SORBS2: variants seen among roughly 807,000 people sequenced by gnomAD.
SORBS2 encodes the protein sorbin and SH3 domain-containing protein 2.
SORBS2 carries 46 observed loss-of-function variants against 97.7 expected under a neutral mutation model. The observed-to-expected ratio is 0.47, with a 90% CI of 0.37 to 0.60. The LOEUF (loss-of-function observed/expected upper bound fraction) is 0.60. SORBS2 is among the 20% of genes least tolerant of loss of function. SORBS2 has a pLI of 0.00. For synonymous variants in SORBS2, 476 were observed against 473.4 expected (o/e 1.01, Z -0.07); for missense variants, 1,316 against 1,282.3 (o/e 1.03, Z -0.40).
chr4:185,932,708 G>C (rs2099267060), intron 1 of SORBS2, among the ~76,000 whole-genome samples: 1 of 149,116 alleles, frequency 6.7e-6, no homozygotes, highest in African/African-American at 2.4e-5. Context: ...CTGTAGGCAG[G>C]GCCTGGCCTA....
At chr4:185,861,986 T>C (rs2099224066) in intron 1 of SORBS2, among the ~76,000 whole-genome samples, 1 of 152,114 alleles carries the variant, frequency 6.6e-6, no homozygotes, top group African/African-American at 2.4e-5. Context: ...CTGGCAATAG[T>C]CCGGATGAGA....
chr4:185,890,796 G>A (rs952529573), intron 1 of SORBS2, among the ~76,000 whole-genome samples: 20 of 152,270 alleles, frequency 1.3e-4, no homozygotes, highest in East Asian at 3.9e-4. Flanking sequence ...GGGCCTGAAC[G>A]TAGGAGTGGC....
intron 2 of SORBS2, among the ~76,000 whole-genome samples, chr4:185,731,586 C>G (rs2098630279): frequency 8.2e-6 from 1 of 122,652 alleles, no homozygotes; most frequent in Non-Finnish European, 1.7e-5. Flanking sequence ...TTCCCTCTCT[C>G]CCTCCCTCCC....
chr4:185,863,265 T>C (rs2099224920), intron 1 of SORBS2, among the ~76,000 whole-genome samples: 4 of 151,610 alleles, frequency 2.6e-5, no homozygotes. Flanking sequence ...ATTGAGTGCC[T>C]GTGTGTGCCA....
In SORBS2 at chr4:185,733,703, A is replaced by G. The variant is rs139103918; in HGVS notation, c.-198+41524T>C. ...GGGGATCAGTTACAGTTTCTTCGCCATGTGCCTTAGACCTACAGCTTGCTA... is the reference window on the plus strand; with the variant it reads ...GGGGATCAGTTACAGTTTCTTCGCCGTGTGCCTTAGACCTACAGCTTGCTA... On this transcript the variant is annotated intron_variant, in intron 2 of 20. Transcript: ENST00000284776. 1.9e-3 allele frequency among the ~76,000 whole-genome samples: 286 copies of G among 152,308 alleles called. 2 individuals are homozygous for G. Among genetic ancestry groups the G allele is most frequent in the Non-Finnish European group, 1.5e-3 (103 of 68,016 alleles).
intron 1 of SORBS2, among the ~76,000 whole-genome samples, chr4:185,827,231 TCATCACCATCACCACCATCATCATCAC>T (rs2099200976): frequency 1.5e-5 from 1 of 67,424 alleles, no homozygotes. Flanking sequence ...ACCATCATCA[TCATCACCATCACCACCATCATCATCAC>T]CATCATCACC....
intron 1 of SORBS2, among the ~76,000 whole-genome samples, chr4:185,788,078 C>T (rs986939952): frequency 6.6e-6 from 1 of 152,232 alleles, no homozygotes; most frequent in Non-Finnish European, 1.5e-5. Context: ...GCCTGCCGGG[C>T]TGTTCCGTGA....
At chr4:185,935,620 A>G (rs1467082693) in intron 1 of SORBS2, among the ~76,000 whole-genome samples, 1 of 152,192 alleles carries the variant, frequency 6.6e-6, no homozygotes, top group Non-Finnish European at 1.5e-5. Flanking sequence ...AGACATACCA[A>G]CTTTAACTAG....
chr4:185,600,468 A>C (rs1310048098), intron 12 of SORBS2, among the ~76,000 whole-genome samples: 1 of 152,144 alleles, frequency 6.6e-6, no homozygotes, highest in Non-Finnish European at 1.5e-5. Context: ...CCTCCCGAGT[A>C]GCTGGGATCA....
At chr4:185,797,224 C>A (rs997548452) in intron 1 of SORBS2, among the ~76,000 whole-genome samples, 1 of 152,184 alleles carries the variant, frequency 6.6e-6, no homozygotes, top group Non-Finnish European at 1.5e-5. Flanking sequence ...CTTAGGAGAG[C>A]GACTGACACA....
At chr4:185,899,205 A>G (rs1466031857) in intron 1 of SORBS2, among the ~76,000 whole-genome samples, 2 of 152,140 alleles carry the variant, frequency 1.3e-5, no homozygotes, top group Admixed American at 6.5e-5. Context: ...AAGAAGCACC[A>G]GGTCCGGTCT....
Position 185,656,197 on chromosome 4 carries a change from G to A in SORBS2, c.24+418C>T, listed in dbSNP as rs182867350. On this transcript the variant is annotated intron_variant, in intron 1 of 14. Transcript: ENST00000418609. ...GCAATCGTCAGTTTCAAGACAGATT[G>A]TTAGAATGTCATATCACATTCAACG... 4.6e-5 allele frequency among the ~76,000 whole-genome samples: 7 copies of A among 152,314 alleles called. No homozygotes were observed. The East Asian group carries it at 1.3e-3, about 29-fold the overall frequency.
chr4:185,725,953 G>A (rs1415708350), intron 2 of SORBS2, among the ~76,000 whole-genome samples: 2 of 151,914 alleles, frequency 1.3e-5, no homozygotes, highest in South Asian at 2.1e-4. Context: ...TAGTCAAACT[G>A]AACTTTTTGT....
intron 1 of SORBS2, among the ~76,000 whole-genome samples, chr4:185,799,793 G>C (rs575904029): frequency 1.3e-5 from 2 of 152,270 alleles, no homozygotes; most frequent in South Asian, 4.1e-4. Context: ...CTGGGACTAT[G>C]GCGACACTCA....
exon 3 of SORBS2, chr4:185,649,483 G>C: frequency 6.3e-7 from 1 of 1,586,360 alleles, no homozygotes; most frequent in Non-Finnish European, 8.6e-7. Context: ...GTTGAAGACC[G>C]ATCTCTTGGT....
chr4:185,883,174 T>C (rs892116577), intron 1 of SORBS2, among the ~76,000 whole-genome samples: 1 of 152,126 alleles, frequency 6.6e-6, no homozygotes, highest in African/African-American at 2.4e-5. Flanking sequence ...GAACTTATAT[T>C]TAAACCATAA....
At chr4:185,916,866 G>C (rs1229238484) in intron 1 of SORBS2, among the ~76,000 whole-genome samples, 2 of 152,126 alleles carry the variant, frequency 1.3e-5, no homozygotes, top group Admixed American at 1.3e-4. Context: ...ATCTGCAAAG[G>C]GCTGTCTTTT....
chr4:185,604,826 A>G (rs1024816113), intron 12 of SORBS2, among the ~76,000 whole-genome samples: 4 of 152,182 alleles, frequency 2.6e-5, no homozygotes, highest in Non-Finnish European at 5.9e-5. Context: ...AAAGTGAAGG[A>G]AAAAAGTATT....
intron 11 of SORBS2, among the ~76,000 whole-genome samples, chr4:185,612,737 G>T (rs1435506233): frequency 1.3e-5 from 2 of 152,062 alleles, no homozygotes; most frequent in African/African-American, 2.4e-5. Flanking sequence ...TGATCTGACC[G>T]CCTCGGCCTC....
Sources: allele counts gnomAD v4.1 joint callset (sites outside exome capture counted in the v4.1 genomes callset), GRCh38; gene constraint gnomAD v4.1.1; transcripts MANE v1.5; gene names NCBI Gene and HGNC (gene_info 2026-07-23, HGNC 2026-07-21).